Variants in COL18A1 observed in about 807,000 individuals in gnomAD.
COL18A1 encodes collagen type XVIII alpha 1 chain, also known as collagen alpha-1(XVIII) chain.
A neutral mutation model predicts 168.0 loss-of-function variants in COL18A1; 133 were observed. The observed-to-expected ratio is 0.79, with a 90% CI of 0.69 to 0.91. The LOEUF (loss-of-function observed/expected upper bound fraction) is 0.91. Ranked by LOEUF, COL18A1 falls within the 40% of genes least tolerant of loss-of-function variation. The pLI, the probability that COL18A1 is intolerant of heterozygous loss-of-function variation, is 0.00. For missense variants in COL18A1, 2,126 were observed against 1,925.4 expected (o/e 1.10, Z -1.95); for synonymous variants, 949 against 809.0 (o/e 1.17, Z -2.94).
At position 45,510,148 on chromosome 21, in the gene COL18A1, C is replaced by T. The variant is rs572048525; in HGVS notation, c.3580C>T (p.Arg1194Trp). The T allele has an allele frequency of 9.9e-5, 159 of 1,599,312 alleles. No individual in the cohort carries two copies. Among genetic ancestry groups the T allele is most frequent in the Middle Eastern group, 6.7e-4 (4 of 5,948 alleles). Reference protein sequence around the residue: ...GADFQCFQQARAVGLAGTFRA... With the variant: ...GADFQCFQQAWAVGLAGTFRA... ...CGACTTCCAGTGCTTCCAGCAGGCG[C>T]GGGCCGTGGGGCTGGCGGGCACCTT... Residue 1194 changes from arginine (R) to tryptophan (W), a missense_variant, in exon 40 of 42, where the codon CGG (arginine) becomes TGG (tryptophan). Transcript: ENST00000651438.
chr21:45,495,790 CAT>C (rs2036517137), intron 29 of COL18A1: 15 of 352,202 alleles, frequency 4.3e-5, no homozygotes, highest in South Asian at 3.0e-4. Flanking sequence ...CACATATACA[CAT>C]GTATTCATGC....
chr21:45,464,351 A>G (rs2035132395), intron 2 of COL18A1, among the ~76,000 whole-genome samples: 2 of 152,268 alleles, frequency 1.3e-5, no homozygotes, highest in African/African-American at 2.4e-5. Flanking sequence ...ACCCTCTTAG[A>G]TAAGGCAGGC....
At chr21:45,407,316 AT>A in intron 2 of COL18A1, 1 of 152,282 alleles carries the variant, frequency 6.6e-6, no homozygotes, top group Non-Finnish European at 1.5e-5. Flanking sequence ...TGATTTGCAC[AT>A]TTTTTTCTGG....
chr21:45,476,924 TGTGTGTG>T (rs2035692821), intron 6 of COL18A1, among the ~76,000 whole-genome samples: 3 of 86,214 alleles, frequency 3.5e-5, no homozygotes, highest in South Asian at 3.5e-4. Flanking sequence ...ATGTGTTTTG[TGTGTGTG>T]TGTGTGTGTG....
At chr21:45,506,009 G>C in intron 37 of COL18A1, 43 bp downstream of exon 37, 2 of 1,612,246 alleles carry the variant, frequency 1.2e-6, no homozygotes, top group South Asian at 2.2e-5. Context: ...TGGAAGGGCC[G>C]AAGCCGCCTC....
At chr21:45,492,645 G>A in intron 23 of COL18A1, 42 bp from the exon 24 acceptor site, 1 of 1,611,246 alleles carries the variant, frequency 6.2e-7, no homozygotes, top group South Asian at 1.1e-5. Context: ...CAGGCGCGAG[G>A]GTGCGTGATG....
At chr21:45,490,767 C>T (rs1480652848) in intron 20 of COL18A1, 69 bp from the exon 21 acceptor site, 16 of 1,475,652 alleles carry the variant, frequency 1.1e-5, no homozygotes, top group African/African-American at 1.4e-5. Flanking sequence ...TCATCAGAGC[C>T]ATCCCTCACG....
chr21:45,504,571 G>C lies in COL18A1; in HGVS notation c.2868+15G>C, dbSNP rs547229026. ...CTGGGATTCCAGTAAGTCCCAGCCT[G>C]TGCAGGCAGAGCCCATGTCCCAGGG... On this transcript the variant is annotated intron_variant, in intron 34 of 41. Coordinates refer to ENST00000651438, the MANE Select transcript of COL18A1 (RefSeq NM_001379500.1). 1.2e-5 allele frequency: 19 copies of C among 1,564,378 alleles called. No homozygotes were observed. Among genetic ancestry groups the C allele is most frequent in the East Asian group, 2.4e-5 (1 of 41,900 alleles).
chr21:45,438,805 G>C (rs2034290892), intron 2 of COL18A1, among the ~76,000 whole-genome samples: 1 of 152,364 alleles, frequency 6.6e-6, no homozygotes, highest in African/African-American at 2.4e-5. Context: ...CACGTTAGCA[G>C]GTCTGTCTGT....
In COL18A1 at chr21:45,414,312, G is replaced by A. The variant is rs918110391; in HGVS notation, c.106+8839G>A. The stretch of plus-strand genomic sequence containing the variant: ...CCTTTCGGGGGCACATCTTGATGCG[G>A]GGTCTCTGATCCCCTCGGGGCAGCA... On this transcript the variant is annotated intron_variant, in intron 2 of 41. Transcript: ENST00000651438. Among the ~76,000 whole-genome samples the A allele has an allele frequency of 8.5e-5, 13 of 152,346 alleles. No homozygotes were observed. The East Asian group carries it at 2.5e-3, about 29-fold the overall frequency.
intron 2 of COL18A1, among the ~76,000 whole-genome samples, chr21:45,451,077 G>A (rs941956520): frequency 6.6e-6 from 1 of 152,356 alleles, no homozygotes; most frequent in East Asian, 1.9e-4. Context: ...TCCTCTGGGG[G>A]GTGTGAGGTT....
chr21:45,482,561 G>T (rs989931186), intron 14 of COL18A1, among the ~76,000 whole-genome samples: 2 of 152,200 alleles, frequency 1.3e-5, no homozygotes, highest in African/African-American at 2.4e-5. Context: ...CCCACGTGTA[G>T]CCAGGTCCAG....
chr21:45,489,849 G>GCCTCCCCCACTTGCCCCTCCCCCACACCT (rs1568920094), intron 19 of COL18A1, among the ~76,000 whole-genome samples: 59 of 20,882 alleles, frequency 2.8e-3, no homozygotes, highest in African/African-American at 0.012. Context: ...CCCCCACACT[G>GCCTCCCCCACTTGCCCCTCCCCCACACCT]CCTCCCCCAC....
At chr21:45,505,103 A>T in intron 34 of COL18A1, 31 bp from the exon 35 acceptor site, 1 of 1,602,344 alleles carries the variant, frequency 6.2e-7, no homozygotes, top group Non-Finnish European at 8.5e-7. Flanking sequence ...GCACGAGGTA[A>T]CCAGGAAGCG....
chr21:45,468,884 G>C, intron 3 of COL18A1, 98 bp downstream of exon 3: 2 of 1,271,528 alleles, frequency 1.6e-6, no homozygotes, highest in South Asian at 2.9e-5. Flanking sequence ...GGCCGGAAGA[G>C]GAGAGCCCCC....
chr21:45,460,799 G>A (rs116366019), intron 2 of COL18A1, among the ~76,000 whole-genome samples: 666 of 152,280 alleles, frequency 4.4e-3, no homozygotes, highest in African/African-American at 0.015. Flanking sequence ...TAAGCTTCTC[G>A]TAAATTCTCC....
At chr21:45,476,145 TGGGGAGCC>T (rs987070720) in intron 5 of COL18A1, among the ~76,000 whole-genome samples, 198 bp from the exon 6 acceptor site, 15 of 150,846 alleles carry the variant, frequency 9.9e-5, no homozygotes, top group African/African-American at 3.0e-4. Flanking sequence ...TCCTGGGTCC[TGGGGAGCC>T]GGGGAGCCCA....
chr21:45,410,512 C>T (rs1028021181), intron 2 of COL18A1, among the ~76,000 whole-genome samples: 1 of 152,162 alleles, frequency 6.6e-6, no homozygotes, highest in Non-Finnish European at 1.5e-5. Flanking sequence ...GAGGAGGGAG[C>T]GTGATTGGTT....
intron 2 of COL18A1, chr21:45,456,263 G>C (rs181274677): frequency 1.3e-6 from 2 of 1,580,720 alleles, no homozygotes; most frequent in Non-Finnish European, 8.6e-7. Flanking sequence ...CTCGCCCGCC[G>C]CAGCCGCTCC....
Sources: gnomAD v4.1 joint callset for allele counts (sites outside exome capture counted in the v4.1 genomes callset) on GRCh38, gnomAD v4.1.1 for gene constraint, MANE v1.5 for transcripts, NCBI Gene and HGNC (gene_info 2026-07-23, HGNC 2026-07-21) for gene names.